FAM107B: variants seen among roughly 807,000 people sequenced by gnomAD.
FAM107B encodes protein FAM107B.
Under a neutral mutation model 31.5 loss-of-function variants are expected in FAM107B, and 21 were observed. That is an observed-to-expected ratio of 0.67 (90% CI 0.47 to 0.96). The LOEUF (loss-of-function observed/expected upper bound fraction) is 0.96. Among genes scored for constraint, FAM107B ranks in the 40% least tolerant of loss-of-function variants. The pLI is 0.00. For synonymous variants in FAM107B, 157 were observed against 141.5 expected, an observed-to-expected ratio of 1.11 and a Z score of -0.78; for missense variants, 452 against 377.1, an observed-to-expected ratio of 1.20 and a Z score of -1.64.
chr10:14,521,411 T>C (rs12255775), intron 4 of FAM107B, 105 bp from the exon 5 acceptor site: 14 of 900,750 alleles, frequency 1.6e-5, no homozygotes, highest in Non-Finnish European at 2.4e-5. Context: ...CCCCACAGAA[T>C]AAATTCTCTC....
intron 2 of FAM107B, among the ~76,000 whole-genome samples, chr10:14,599,426 C>T (rs1475793966): frequency 6.6e-6 from 1 of 152,218 alleles, no homozygotes; most frequent in Non-Finnish European, 1.5e-5. Context: ...ATTATTGTCT[C>T]CAACCCATGT....
intron 2 of FAM107B, among the ~76,000 whole-genome samples, chr10:14,578,872 G>T (rs947744374): frequency 2.6e-5 from 4 of 152,114 alleles, no homozygotes; most frequent in African/African-American, 9.7e-5. Context: ...GCTCACCTGT[G>T]GTTTATCACT....
At chr10:14,736,534 G>A (rs7921286) in intron 1 of FAM107B, among the ~76,000 whole-genome samples, 63,108 of 151,862 alleles carry the variant, frequency 0.42, 13,622 homozygotes, top group African/African-American at 0.55. Context: ...ACTACTTTAT[G>A]TAAGAACAGT....
chr10:14,664,553 G>A (rs1854358982), intron 2 of FAM107B, among the ~76,000 whole-genome samples: 1 of 152,180 alleles, frequency 6.6e-6, no homozygotes, highest in African/African-American at 2.4e-5. Flanking sequence ...AATATCCAGT[G>A]TAATAACATG....
chr10:14,774,582 G>T lies in FAM107B; in HGVS notation c.82C>A (p.Leu28Ile). Reference protein sequence around the residue: ...SMHPFPCSALLACFGNTRESA... With the variant: ...SMHPFPCSALIACFGNTRESA... ...TCCCTCGTATTCCCAAAACAGGCGA[G>T]CAGAGCTGAGCACGGAAATGGATGC... The change falls in exon 1 of 5, where the codon CTC becomes ATC. Residue 28 changes from leucine to isoleucine, a missense_variant. Leu to Ile is a conservative substitution (Grantham distance 5). Transcript: ENST00000181796. 1 of 1,614,218 alleles carries T rather than the reference G, an allele frequency of 6.2e-7. No individual in the cohort carries two copies. The highest frequency in any genetic ancestry group is 8.5e-7 in the Non-Finnish European group (1 of 1,180,048).
At chr10:14,662,691 A>G (rs1452737762) in intron 2 of FAM107B, among the ~76,000 whole-genome samples, 2 of 152,176 alleles carry the variant, frequency 1.3e-5, no homozygotes, top group African/African-American at 2.4e-5. Context: ...TAACATACCA[A>G]TAGGCTGAGA....
chr10:14,583,086 C>CAAAAA (rs60205603), intron 2 of FAM107B, among the ~76,000 whole-genome samples: 2 of 56,272 alleles, frequency 3.6e-5, no homozygotes, highest in African/African-American at 6.3e-5. Flanking sequence ...GACTCTGTCT[C>CAAAAA]AAAAAAAAAA....
At chr10:14,620,143 T>C (rs935144621) in intron 2 of FAM107B, among the ~76,000 whole-genome samples, 5 of 150,892 alleles carry the variant, frequency 3.3e-5, no homozygotes, top group South Asian at 4.2e-4. Context: ...CTCAGCCTCC[T>C]GGGTAGCTGG....
chr10:14,542,323 G>C (rs907268598), intron 2 of FAM107B, among the ~76,000 whole-genome samples: 1 of 149,944 alleles, frequency 6.7e-6, no homozygotes, highest in Non-Finnish European at 1.5e-5. Context: ...GGGCGGTTTA[G>C]AGTACCCAAA....
chr10:14,667,135 C>T (rs557837879), intron 2 of FAM107B, among the ~76,000 whole-genome samples: 5 of 152,262 alleles, frequency 3.3e-5, no homozygotes, highest in Non-Finnish European at 7.4e-5. Flanking sequence ...CAGTCATAAA[C>T]TAAGTTATAA....
At chr10:14,542,456 T>G (rs995397674) in intron 2 of FAM107B, 4 of 152,114 alleles carry the variant, frequency 2.6e-5, no homozygotes, top group African/African-American at 9.7e-5. Context: ...AAAATTAAAT[T>G]TGAAGTTGTC....
chr10:14,753,677 A>T (rs1441655232), intron 1 of FAM107B, among the ~76,000 whole-genome samples: 1 of 152,200 alleles, frequency 6.6e-6, no homozygotes, highest in Non-Finnish European at 1.5e-5. Context: ...AAATGTTTCC[A>T]TGACTGACTT....
Position 14,774,783 on chromosome 10 carries a change from T to C in FAM107B, c.-120A>G. ...TTGCCCGAAGAGAAGAACTTGCTAG[T>C]GGTTGCCCCTAAATAGAAGTTGGGA... On this transcript the variant is annotated 5_prime_UTR_variant, in exon 1 of 5. Coordinates refer to ENST00000181796, the MANE Select transcript of FAM107B (RefSeq NM_031453.4). The C allele has an allele frequency of 8.7e-7, 1 of 1,152,294 alleles. No homozygotes were observed. Among genetic ancestry groups the C allele is most frequent in the Non-Finnish European group, 1.2e-6 (1 of 826,728 alleles). 71.4% of individuals were successfully genotyped at this position (1,152,294 alleles called of 1,614,324 possible).
chr10:14,558,235 G>A (rs944347090), intron 2 of FAM107B, among the ~76,000 whole-genome samples: 4 of 151,870 alleles, frequency 2.6e-5, no homozygotes, highest in Admixed American at 2.0e-4. Context: ...ATGTGCATGC[G>A]CACACTCACA....
At chr10:14,758,386 C>T (rs796142958) in intron 1 of FAM107B, among the ~76,000 whole-genome samples, 15 of 152,310 alleles carry the variant, frequency 9.8e-5, no homozygotes, top group African/African-American at 2.9e-4. Flanking sequence ...CACAAATCCT[C>T]GGTCTCCATG....
intron 1 of FAM107B, among the ~76,000 whole-genome samples, chr10:14,736,244 G>A (rs1856296861): frequency 6.6e-6 from 1 of 152,192 alleles, no homozygotes; most frequent in Non-Finnish European, 1.5e-5. Flanking sequence ...TCCATAGACA[G>A]GAAGTCATTA....
chr10:14,649,175 T>TTA (rs1429294932), intron 2 of FAM107B, among the ~76,000 whole-genome samples: 3 of 152,196 alleles, frequency 2.0e-5, no homozygotes, highest in African/African-American at 7.2e-5. Flanking sequence ...CTGACTAACA[T>TTA]TAGCATTAAA....
chr10:14,661,310 A>G (rs1854232019), intron 2 of FAM107B, among the ~76,000 whole-genome samples: 1 of 152,216 alleles, frequency 6.6e-6, no homozygotes, highest in South Asian at 2.1e-4. Flanking sequence ...CAGATTAAAC[A>G]TTATTTCTGG....
intron 2 of FAM107B, among the ~76,000 whole-genome samples, chr10:14,564,222 A>C (rs1312986359): frequency 6.6e-6 from 1 of 152,192 alleles, no homozygotes; most frequent in Non-Finnish European, 1.5e-5. Context: ...AGTTTAACAG[A>C]TTAATAAATC....
Sources: allele counts gnomAD v4.1 joint callset (sites outside exome capture counted in the v4.1 genomes callset), GRCh38; gene constraint gnomAD v4.1.1; transcripts MANE v1.5; gene names NCBI Gene and HGNC (gene_info 2026-07-23, HGNC 2026-07-21).